Variants in SIMC1 observed in about 807,000 individuals in gnomAD.
SIMC1 encodes SUMO interacting motifs containing 1, also known as SUMO-interacting motif-containing protein 1.
In SIMC1, 55 loss-of-function variants were observed where a neutral mutation model predicts 82.3. The observed-to-expected ratio is 0.67, with a 90% CI of 0.54 to 0.84. The LOEUF is 0.84. Ranked by LOEUF, SIMC1 falls within the 40% of genes least tolerant of loss-of-function variation. SIMC1 has a pLI of 0.00. For missense variants in SIMC1, 915 were observed against 1,107.2 expected (o/e 0.83, Z 2.46); for synonymous variants, 353 against 426.3 (o/e 0.83, Z 2.12).
At chr5:176,294,185 A>T (rs1005151599) in intron 2 of SIMC1, among the ~76,000 whole-genome samples, 1 of 152,248 alleles carries the variant, frequency 6.6e-6, no homozygotes, top group Admixed American at 6.5e-5. Flanking sequence ...ATATTTTAAC[A>T]TAGATGAAAT....
intron 1 of SIMC1, among the ~76,000 whole-genome samples, chr5:176,247,846 C>A (rs1266904977): frequency 6.6e-6 from 1 of 151,712 alleles, no homozygotes. Context: ...TTTCCCAACA[C>A]CATTTATTAA....
intron 5 of SIMC1, among the ~76,000 whole-genome samples, chr5:176,320,486 A>G (rs1765113863): frequency 6.6e-6 from 1 of 152,034 alleles, no homozygotes; most frequent in African/African-American, 2.4e-5. Flanking sequence ...CTCCCACCTC[A>G]GCCTCTTGGG....
In SIMC1 at chr5:176,252,707, G is replaced by A. The variant is rs537019228; in HGVS notation, c.129+14070G>A. 1.6e-4 allele frequency among the ~76,000 whole-genome samples: 24 copies of A among 152,262 alleles called. No homozygotes were observed. In the South Asian group the frequency reaches 4.8e-3, roughly 30 times the overall value. On this transcript the variant is annotated intron_variant, in intron 1 of 9. Coordinates refer to ENST00000429602, the MANE Select transcript of SIMC1 (RefSeq NM_001308195.2). ...CACCTCCCAGACGATGGGCGGCCAG[G>A]CAGAGACGCTCCTCACTTCCCAGAT...
At chr5:176,292,126 A>G (rs960302825) in intron 2 of SIMC1, among the ~76,000 whole-genome samples, 12 of 152,214 alleles carry the variant, frequency 7.9e-5, no homozygotes, top group African/African-American at 2.4e-4. Context: ...TACAGCTTCT[A>G]TATCACAGAG....
intron 1 of SIMC1, among the ~76,000 whole-genome samples, chr5:176,287,140 A>C (rs2113246374): frequency 6.6e-6 from 1 of 152,358 alleles, no homozygotes; most frequent in South Asian, 2.1e-4. Flanking sequence ...TATATACCCA[A>C]AGGATTATAA....
intron 7 of SIMC1, among the ~76,000 whole-genome samples, chr5:176,336,147 T>C (rs1349360013): frequency 6.6e-6 from 1 of 150,726 alleles, no homozygotes; most frequent in Non-Finnish European, 1.5e-5. Context: ...AAGAGAGAAA[T>C]ACCTCCTGCG....
intron 4 of SIMC1, chr5:176,308,265 C>G: frequency 6.6e-7 from 1 of 1,516,094 alleles, no homozygotes. Context: ...AAGGTTGATG[C>G]CATCAGAATT....
chr5:176,331,904 G>T (rs7735989), intron 7 of SIMC1, among the ~76,000 whole-genome samples: 1 of 151,486 alleles, frequency 6.6e-6, no homozygotes, highest in Non-Finnish European at 1.5e-5. Context: ...AGGAGGCCGA[G>T]GCTGCAGTGA....
At chr5:176,340,221 G>C (rs1047012054) in intron 9 of SIMC1, among the ~76,000 whole-genome samples, 1 of 152,216 alleles carries the variant, frequency 6.6e-6, no homozygotes, top group Non-Finnish European at 1.5e-5. Flanking sequence ...AGCAAATGCA[G>C]AGCTAGGATT....
intron 4 of SIMC1, among the ~76,000 whole-genome samples, chr5:176,298,579 C>T (rs2113290867): frequency 6.6e-6 from 1 of 152,308 alleles, no homozygotes; most frequent in African/African-American, 2.4e-5. Context: ...GAGCCAAAAT[C>T]ATGCCACTGC....
At chr5:176,345,026 G>GAA (rs1239670753) in intron 9 of SIMC1, among the ~76,000 whole-genome samples, 157 bp from the exon 10 acceptor site, 1 of 151,874 alleles carries the variant, frequency 6.6e-6, no homozygotes, top group Non-Finnish European at 1.5e-5. Context: ...GGGCCTTTTG[G>GAA]AAGTGGAGTT....
intron 1 of SIMC1, among the ~76,000 whole-genome samples, chr5:176,272,472 C>T (rs923907471): frequency 7.2e-5 from 11 of 152,050 alleles, no homozygotes; most frequent in Admixed American, 2.0e-4. Flanking sequence ...TCCTAGGTTC[C>T]GCAGTGGCCA....
At chr5:176,280,773 G>T (rs1179817152) in intron 1 of SIMC1, among the ~76,000 whole-genome samples, 1 of 152,170 alleles carries the variant, frequency 6.6e-6, no homozygotes, top group Non-Finnish European at 1.5e-5. Context: ...GTCTCTTCCG[G>T]CTTGTAGAGT....
At chr5:176,330,604 A>G (rs1288875560) in intron 7 of SIMC1, among the ~76,000 whole-genome samples, 1 of 152,186 alleles carries the variant, frequency 6.6e-6, no homozygotes, top group African/African-American at 2.4e-5. Flanking sequence ...TTGAGCTCCA[A>G]AATGAATATT....
chr5:176,313,381 A>G (rs1764752116), intron 4 of SIMC1: 1 of 1,531,596 alleles, frequency 6.5e-7, no homozygotes, highest in African/African-American at 1.4e-5. Context: ...TCCAGTAGAT[A>G]TCTGATTGCA....
chr5:176,337,253 G>T lies in SIMC1; in HGVS notation c.2413+107G>T, dbSNP rs545834881. On this transcript the variant is annotated intron_variant, in intron 9 of 9. Transcript: ENST00000429602. Reference sequence around the variant, plus strand: ...GATTTGTTGACATTGTTCCTTGGTTGTATGTAACTTATTATAAGGGATAAG... The same window carrying T: ...GATTTGTTGACATTGTTCCTTGGTTTTATGTAACTTATTATAAGGGATAAG... 33 of 950,660 alleles carry T rather than the reference G, an allele frequency of 3.5e-5. No homozygotes were observed. The African/African-American group carries it at 4.9e-4, about 14-fold the overall frequency. 58.9% of individuals were successfully genotyped at this position (950,660 alleles called of 1,614,324 possible).
At chr5:176,308,853 A>G in intron 4 of SIMC1, 1 of 1,263,598 alleles carries the variant, frequency 7.9e-7, no homozygotes, top group Non-Finnish European at 1.2e-6. Flanking sequence ...AAGATCCATA[A>G]TGGCTCAGTG....
At chr5:176,257,438 A>G (rs1761882391) in intron 1 of SIMC1, among the ~76,000 whole-genome samples, 1 of 152,252 alleles carries the variant, frequency 6.6e-6, no homozygotes, top group Non-Finnish European at 1.5e-5. Flanking sequence ...ATGAGACTTC[A>G]GGAAGCTTAC....
intron 1 of SIMC1, among the ~76,000 whole-genome samples, chr5:176,288,136 A>G (rs1298586779): frequency 6.6e-6 from 1 of 152,210 alleles, no homozygotes; most frequent in Admixed American, 6.5e-5. Flanking sequence ...GTCCAGGCAC[A>G]GTGGCTCGTG....
Sources: gnomAD v4.1 joint callset for allele counts (sites outside exome capture counted in the v4.1 genomes callset) on GRCh38, gnomAD v4.1.1 for gene constraint, MANE v1.5 for transcripts, NCBI Gene and HGNC (gene_info 2026-07-23, HGNC 2026-07-21) for gene names.